The following VWA8 variants were observed in gnomAD, a reference collection of about 807,000 sequenced individuals.
The protein encoded by VWA8 is von Willebrand factor A domain containing 8.
Under a neutral mutation model 241.5 loss-of-function variants are expected in VWA8, and 221 were observed. That is an observed-to-expected ratio of 0.91 (90% CI 0.82 to 1.02). The LOEUF (loss-of-function observed/expected upper bound fraction) is 1.02. Among genes scored for constraint, VWA8 ranks in the 50% least tolerant of loss-of-function variants. The probability of loss-of-function intolerance (pLI) is 0.00; values close to 1 mark genes in which losing one functional copy is unlikely to be tolerated. For synonymous variants in VWA8, 852 were observed against 827.1 expected (o/e 1.03, Z -0.52); for missense variants, 2,322 against 2,328.7 (o/e 1.00, Z 0.06).
intron 41 of VWA8, among the ~76,000 whole-genome samples, chr13:41,589,515 T>C (rs1160050445): frequency 2.0e-5 from 3 of 152,180 alleles, no homozygotes; most frequent in Non-Finnish European, 4.4e-5. Flanking sequence ...CAGAAATCGA[T>C]ACCCTCTAAA....
At chr13:41,674,703 A>C (rs1417326131) in intron 36 of VWA8, among the ~76,000 whole-genome samples, 1 of 152,204 alleles carries the variant, frequency 6.6e-6, no homozygotes, top group Non-Finnish European at 1.5e-5. Context: ...TTGCTTCCAT[A>C]GTGGGACAAT....
At chr13:41,732,485 A>AT (rs1555327531) in intron 21 of VWA8, among the ~76,000 whole-genome samples, 1 of 148,808 alleles carries the variant, frequency 6.7e-6, no homozygotes, top group African/African-American at 2.5e-5. Flanking sequence ...GAAACTAAAA[A>AT]ATATATATAT....
intron 37 of VWA8, among the ~76,000 whole-genome samples, chr13:41,638,756 T>C (rs2044775533): frequency 6.6e-6 from 1 of 152,162 alleles, no homozygotes; most frequent in Admixed American, 6.5e-5. Context: ...TATGAGGCTT[T>C]ATTATAAAAG....
At chr13:41,950,755 GC>G (rs1356986939) in intron 1 of VWA8, among the ~76,000 whole-genome samples, 1 of 144,354 alleles carries the variant, frequency 6.9e-6, no homozygotes, top group African/African-American at 2.6e-5. Context: ...CGCAACTTCC[GC>G]CTCCTGGGTT....
intron 2 of VWA8, chr13:41,927,472 C>T (rs1169478506): frequency 1.7e-5 from 4 of 240,140 alleles, no homozygotes; most frequent in Non-Finnish European, 2.6e-5. Context: ...ATTCAGCCAT[C>T]AGAAGAGAGA....
chr13:41,605,427 TGCTTCCA>T, intron 39 of VWA8, 151 bp from the exon 40 acceptor site: 3 of 704,088 alleles, frequency 4.3e-6, no homozygotes, highest in Non-Finnish European at 7.2e-6. Context: ...TCTCCAGCTG[TGCTTCCA>T]GATTCAAAGG....
At chr13:41,716,528 T>C (rs1040349094) in intron 26 of VWA8, among the ~76,000 whole-genome samples, 3 of 152,054 alleles carry the variant, frequency 2.0e-5, no homozygotes, top group Non-Finnish European at 4.4e-5. Context: ...AAATAGTGGT[T>C]TAGCATTATC....
At chr13:41,857,876 T>C (rs760109828) in intron 12 of VWA8, among the ~76,000 whole-genome samples, 2 of 152,194 alleles carry the variant, frequency 1.3e-5, no homozygotes, top group African/African-American at 2.4e-5. Flanking sequence ...AACTGGTAGA[T>C]TGAGTAAAGC....
intron 23 of VWA8, among the ~76,000 whole-genome samples, chr13:41,728,789 T>A (rs906217635): frequency 5.9e-5 from 9 of 152,102 alleles, no homozygotes; most frequent in Admixed American, 2.0e-4. Context: ...GATGCACTTG[T>A]ACCTTTTTAA....
intron 42 of VWA8, among the ~76,000 whole-genome samples, chr13:41,576,509 T>A (rs991728573): frequency 9.2e-5 from 14 of 151,854 alleles, no homozygotes; most frequent in Non-Finnish European, 2.1e-4. Context: ...ACAGAAAAAA[T>A]TTGGTTGAAA....
chr13:41,815,329 C>T (rs1870644247), intron 16 of VWA8, among the ~76,000 whole-genome samples: 1 of 152,214 alleles, frequency 6.6e-6, no homozygotes, highest in Admixed American at 6.5e-5. Context: ...TCCCAAAAAT[C>T]CACATCCTAA....
At chr13:41,804,024 A>G (rs1266716202) in intron 17 of VWA8, among the ~76,000 whole-genome samples, 1 of 152,296 alleles carries the variant, frequency 6.6e-6, no homozygotes, top group African/African-American at 2.4e-5. Flanking sequence ...CAAAAAGAAT[A>G]AAACATGACT....
chr13:41,587,520 T>C lies in VWA8; in HGVS notation c.5263A>G (p.Lys1755Glu). ...TTAGTTCATGTCATTACCTGGAACT[T>C]CTCCTCATAGTTCTCGAAGGCTTCC... ...VMEAFENYEE[K>E]FQYDIVGHSG... Residue 1755 changes from lysine to glutamate, a missense_variant, in exon 42 of 45, where the codon AAG becomes GAG. By Grantham distance (56) the Lys-to-Glu change is moderately conservative. Coordinates refer to ENST00000379310, the MANE Select transcript of VWA8 (RefSeq NM_015058.2). 6.2e-7 allele frequency: 1 copy of C among 1,614,050 alleles called. No homozygotes were observed. The highest frequency in any genetic ancestry group is 8.5e-7 in the Non-Finnish European group (1 of 1,180,008).
Position 41,833,494 on chromosome 13 carries a change from G to A in VWA8, c.1463C>T (p.Thr488Ile). The A allele has an allele frequency of 6.2e-7, 1 of 1,613,588 alleles. No homozygotes were observed. ...TARDLLQQRYTLPNGDTAWRS... is the reference protein window; with the variant it reads ...TARDLLQQRYILPNGDTAWRS... ...CCAGGCAGTGTCTCCATTTGGAAGGGTGTATCTCTGCTGTAGCAGATCACG... is the reference window on the plus strand; with the variant it reads ...CCAGGCAGTGTCTCCATTTGGAAGGATGTATCTCTGCTGTAGCAGATCACG... Residue 488 changes from threonine to isoleucine, a missense_variant, in exon 13 of 45, where the codon ACC becomes ATC. Physicochemically the swap from Thr to Ile is moderately conservative, Grantham distance 89. Transcript: ENST00000379310.
At chr13:41,810,242 C>G (rs570300017) in intron 17 of VWA8, among the ~76,000 whole-genome samples, 53 of 152,166 alleles carry the variant, frequency 3.5e-4, no homozygotes, top group African/African-American at 1.3e-3. Flanking sequence ...ATATGACACA[C>G]CAATCCTAGG....
intron 37 of VWA8, among the ~76,000 whole-genome samples, chr13:41,657,722 C>T (rs1287408493): frequency 6.6e-6 from 1 of 152,064 alleles, no homozygotes; most frequent in Non-Finnish European, 1.5e-5. Flanking sequence ...ATCTCCTGAC[C>T]TCATGATCTA....
chr13:41,912,317 A>T, intron 2 of VWA8, 149 bp from the exon 3 acceptor site: 3 of 541,610 alleles, frequency 5.5e-6, no homozygotes, highest in Non-Finnish European at 8.1e-6. Flanking sequence ...ATATAAATAT[A>T]TATAAACATA....
At chr13:41,632,108 C>T (rs919573176) in intron 37 of VWA8, among the ~76,000 whole-genome samples, 4 of 152,158 alleles carry the variant, frequency 2.6e-5, no homozygotes, top group African/African-American at 9.7e-5. Flanking sequence ...GCATAACAAC[C>T]TTGACTACAG....
intron 9 of VWA8, among the ~76,000 whole-genome samples, chr13:41,882,796 A>AAGAGAG (rs1298850602): frequency 2.4e-5 from 3 of 127,186 alleles, no homozygotes; most frequent in African/African-American, 3.4e-5. Context: ...AGACCGTGGA[A>AAGAGAG]AGAGAGGGAG....
Sources: allele counts gnomAD v4.1 joint callset (sites outside exome capture counted in the v4.1 genomes callset), GRCh38; gene constraint gnomAD v4.1.1; transcripts MANE v1.5; gene names NCBI Gene and HGNC (gene_info 2026-07-23, HGNC 2026-07-21).